LRRC8C: variants seen among roughly 807,000 people sequenced by gnomAD.
The protein encoded by LRRC8C is volume-regulated anion channel subunit LRRC8C.
In LRRC8C, 20 loss-of-function variants were observed where a neutral mutation model predicts 55.3. That is an observed-to-expected ratio of 0.36 (90% CI 0.25 to 0.53). The LOEUF (loss-of-function observed/expected upper bound fraction) is 0.53. Among genes scored for constraint, LRRC8C ranks in the 20% least tolerant of loss-of-function variants. The pLI, the probability that LRRC8C is intolerant of heterozygous loss-of-function variation, is 0.92. For missense variants in LRRC8C, 659 were observed against 951.4 expected, an observed-to-expected ratio of 0.69 and a Z score of 4.04; for synonymous variants, 376 against 360.7, an observed-to-expected ratio of 1.04 and a Z score of -0.48.
intron 1 of LRRC8C, among the ~76,000 whole-genome samples, chr1:89,679,772 T>C (rs17130852): frequency 0.072 from 10,967 of 152,252 alleles, 691 homozygotes; most frequent in East Asian, 0.36. Flanking sequence ...TCTTGAATGA[T>C]ATATGATTGT....
intron 1 of LRRC8C, among the ~76,000 whole-genome samples, chr1:89,678,044 G>T (rs1358373364): frequency 3.9e-5 from 6 of 152,300 alleles, no homozygotes; most frequent in Admixed American, 2.6e-4. Context: ...CAACTGAAAA[G>T]AACTCATAAA....
At chr1:89,630,865 T>G (rs1656087940), upstream of LRRC8C, among the ~76,000 whole-genome samples, 2 of 152,184 alleles carry the variant, frequency 1.3e-5, no homozygotes, top group South Asian at 4.1e-4. Flanking sequence ...TGCTACAAAA[T>G]AAGAAGAGGT....
intron 2 of LRRC8C, among the ~76,000 whole-genome samples, chr1:89,704,462 T>A (rs1658416217): frequency 6.6e-6 from 1 of 152,044 alleles, no homozygotes; most frequent in Admixed American, 6.6e-5. Context: ...AGACATACCA[T>A]GAAAGAGAAA....
intron 1 of LRRC8C, among the ~76,000 whole-genome samples, chr1:89,662,324 G>T (rs1657143233): frequency 6.6e-6 from 1 of 152,212 alleles, no homozygotes; most frequent in African/African-American, 2.4e-5. Context: ...GCAGGAGAGG[G>T]CTATGAGACT....
chr1:89,689,549 T>A (rs567731622), intron 2 of LRRC8C, among the ~76,000 whole-genome samples: 1 of 152,188 alleles, frequency 6.6e-6, no homozygotes, highest in South Asian at 2.1e-4. Flanking sequence ...AAGAAATGAA[T>A]TAAATGGTTT....
At chr1:89,636,160 C>G (rs1348517644) in intron 1 of LRRC8C, among the ~76,000 whole-genome samples, 1 of 152,136 alleles carries the variant, frequency 6.6e-6, no homozygotes, top group African/African-American at 2.4e-5. Flanking sequence ...TAAAGCCTCC[C>G]TAGCTGGATC....
chr1:89,621,396 G>A, the LRRC8C span, among the ~76,000 whole-genome samples: 2 of 151,906 alleles, frequency 1.3e-5, no homozygotes, highest in South Asian at 2.1e-4. Context: ...GTGAACCCAG[G>A]AGGCGGAGCT....
At chr1:89,672,617 A>C (rs1657453181) in intron 1 of LRRC8C, among the ~76,000 whole-genome samples, 2 of 152,166 alleles carry the variant, frequency 1.3e-5, no homozygotes, top group African/African-American at 2.4e-5. Context: ...AGAAACAGAA[A>C]GACCAAGGAT....
intron 1 of LRRC8C, among the ~76,000 whole-genome samples, chr1:89,651,162 A>G (rs1483280031): frequency 6.6e-6 from 1 of 152,232 alleles, no homozygotes; most frequent in African/African-American, 2.4e-5. Context: ...TGCAACAGGA[A>G]TTGACAAGCT....
At chr1:89,648,922 T>C (rs1307932150) in intron 1 of LRRC8C, among the ~76,000 whole-genome samples, 1 of 152,240 alleles carries the variant, frequency 6.6e-6, no homozygotes, top group Non-Finnish European at 1.5e-5. Context: ...GCCCCACTTC[T>C]TTGTCAAATA....
chr1:89,637,540 A>G (rs1005317314), intron 1 of LRRC8C, among the ~76,000 whole-genome samples: 11 of 152,012 alleles, frequency 7.2e-5, no homozygotes, highest in African/African-American at 2.4e-4. Context: ...ATAATACCTT[A>G]TGACTGAGGC....
chr1:89,706,612 A>G (rs996471198), intron 2 of LRRC8C, among the ~76,000 whole-genome samples: 2 of 152,182 alleles, frequency 1.3e-5, no homozygotes, highest in African/African-American at 4.8e-5. Flanking sequence ...TCAGTATGCA[A>G]TAGAGCATGC....
chr1:89,656,393 T>C, intron 1 of LRRC8C, among the ~76,000 whole-genome samples: 1 of 152,234 alleles, frequency 6.6e-6, no homozygotes, highest in East Asian at 1.9e-4. Flanking sequence ...GTTCATTAAC[T>C]TTATCATTAT....
intron 1 of LRRC8C, among the ~76,000 whole-genome samples, chr1:89,675,030 G>T (rs1657515131): frequency 6.6e-6 from 1 of 152,050 alleles, no homozygotes; most frequent in African/African-American, 2.4e-5. Flanking sequence ...ACAAAAAGTT[G>T]CTTTAGCTTC....
Position 89,717,228 on chromosome 1 carries a change from A to G in LRRC8C, c.*2246A>G, listed in dbSNP as rs1367689565. 6.6e-6 allele frequency: 1 copy of G among 152,164 alleles called. No homozygotes were observed. 9.4% of individuals were successfully genotyped at this position (152,164 alleles called of 1,614,324 possible). A position where few individuals can be genotyped will look rare whatever the true frequency, so the allele number is the denominator to read the frequency against. On this transcript the variant is annotated 3_prime_UTR_variant, in exon 3 of 3. Coordinates refer to ENST00000370454, the MANE Select transcript of LRRC8C (RefSeq NM_032270.5). ...ACCTCGTCGAAAGGCAAGCTTAGGT[A>G]ACTGCTGGCAAAACACTGGGTGCAC...
At chr1:89,629,726 GGCTCC>G (rs1656057150), upstream of LRRC8C, 1 of 152,214 alleles carries the variant, frequency 6.6e-6, no homozygotes, top group Admixed American at 6.5e-5. Flanking sequence ...GCCCTGGAGA[GGCTCC>G]CAGACTCTGT....
chr1:89,634,265 G>A (rs532918707), intron 1 of LRRC8C, among the ~76,000 whole-genome samples: 3 of 152,268 alleles, frequency 2.0e-5, no homozygotes, highest in South Asian at 4.2e-4. Context: ...GCAAACGTTA[G>A]GAAACATTTT....
chr1:89,688,620 A>G (rs920591568), intron 2 of LRRC8C, among the ~76,000 whole-genome samples: 1 of 152,226 alleles, frequency 6.6e-6, no homozygotes, highest in Non-Finnish European at 1.5e-5. Flanking sequence ...GGGAACAGCA[A>G]GAGCAAGAGG....
At chr1:89,635,142 A>G (rs948836324) in intron 1 of LRRC8C, among the ~76,000 whole-genome samples, 1 of 152,222 alleles carries the variant, frequency 6.6e-6, no homozygotes, top group African/African-American at 2.4e-5. Context: ...ATGAATGAAA[A>G]TGTTGCACTT....
Sources: allele counts gnomAD v4.1 joint callset (sites outside exome capture counted in the v4.1 genomes callset), GRCh38; gene constraint gnomAD v4.1.1; transcripts MANE v1.5; gene names NCBI Gene and HGNC (gene_info 2026-07-23, HGNC 2026-07-21).